The following BIN1 variants were observed in gnomAD, a reference collection of about 807,000 sequenced individuals.
BIN1 encodes the protein bridging integrator 1, also known as myc box-dependent-interacting protein 1.
In BIN1, 53 loss-of-function variants were observed where a neutral mutation model predicts 82.0. The ratio of observed to expected loss-of-function variants is 0.65; its 90% CI spans 0.52 to 0.81. The LOEUF (loss-of-function observed/expected upper bound fraction) is 0.81, where lower values mean the gene tolerates loss of function less well. Among genes scored for constraint, BIN1 ranks in the 40% least tolerant of loss-of-function variants. The probability of loss-of-function intolerance (pLI) is 0.00; values close to 1 mark genes in which losing one functional copy is unlikely to be tolerated. For synonymous variants in BIN1, 302 were observed against 328.0 expected (o/e 0.92, Z 0.86); for missense variants, 642 against 784.4 (o/e 0.82, Z 2.17).
At chr2:127,106,639 G>T (rs1248446143) in intron 1 of BIN1, among the ~76,000 whole-genome samples, 1 of 152,212 alleles carries the variant, frequency 6.6e-6, no homozygotes, top group Non-Finnish European at 1.5e-5. Context: ...TCCTGCCCCG[G>T]CCGGGTGTGG....
At chr2:127,072,679 C>G (rs909410858) in intron 2 of BIN1, among the ~76,000 whole-genome samples, 41 of 152,024 alleles carry the variant, frequency 2.7e-4, no homozygotes, top group Admixed American at 2.6e-3. Flanking sequence ...GTGTATAACA[C>G]TGGCTAATCA....
intron 11 of BIN1, among the ~76,000 whole-genome samples, chr2:127,058,057 G>A (rs1387497696): frequency 1.3e-5 from 2 of 152,128 alleles, no homozygotes; most frequent in African/African-American, 4.8e-5. Flanking sequence ...CACCTCCCAG[G>A]GCACAGGGCT....
intron 13 of BIN1, 101 bp downstream of exon 13, chr2:127,053,804 A>G: frequency 1.7e-6 from 2 of 1,173,754 alleles, no homozygotes; most frequent in South Asian, 1.3e-5. Flanking sequence ...AAGGGCAGTG[A>G]CCCAGGCCTA....
intron 2 of BIN1, among the ~76,000 whole-genome samples, chr2:127,072,724 G>A (rs1182208498): frequency 3.3e-5 from 5 of 152,088 alleles, no homozygotes; most frequent in Non-Finnish European, 5.9e-5. Context: ...AAGGCCCACC[G>A]ATGTGAGACT....
At chr2:127,105,448 C>G (rs1680928181) in intron 1 of BIN1, among the ~76,000 whole-genome samples, 1 of 150,806 alleles carries the variant, frequency 6.6e-6, no homozygotes, top group African/African-American at 2.4e-5. Context: ...CCCCAGCCAG[C>G]TATTCCTGGG....
At position 127,106,949 on chromosome 2, in the gene BIN1, C is replaced by A; in HGVS notation, c.-6G>T. On this transcript the variant is annotated 5_prime_UTR_variant, in exon 1 of 19. Transcript: ENST00000316724. The stretch of plus-strand genomic sequence containing the variant: ...TTACTGCCCATCTCTGCCATCGCGG[C>A]GCAGGCCTCGCCCGGTGGCAGGGGC... 1 of 1,609,728 alleles carries A rather than the reference C, an allele frequency of 6.2e-7. No individual in the cohort carries two copies. The highest frequency in any genetic ancestry group is 8.5e-7 in the Non-Finnish European group (1 of 1,178,738).
intron 1 of BIN1, among the ~76,000 whole-genome samples, chr2:127,077,997 G>C (rs1157041711): frequency 6.6e-6 from 1 of 152,238 alleles, no homozygotes; most frequent in African/African-American, 2.4e-5. Context: ...CATCTGCTGA[G>C]GCCAGTAGGT....
intron 1 of BIN1, among the ~76,000 whole-genome samples, chr2:127,084,598 T>C (rs1458802038): frequency 6.6e-6 from 1 of 152,192 alleles, no homozygotes; most frequent in East Asian, 1.9e-4. Flanking sequence ...CGTTCCCTCA[T>C]GCTCAGAGCC....
Position 127,059,342 on chromosome 2 carries a change from G to C in BIN1, c.858-187C>G, listed in dbSNP as rs1385741969. ...GGGGGAGCCAAGGGACCTGGGCTTG[G>C]GGGGCTGGAAGTGGGAAGCCTGCCT... On this transcript the variant is annotated intron_variant, in intron 10 of 18. Transcript: ENST00000316724. The surrounding 1 kb of genome is among the most constrained non-coding windows in gnomAD (Gnocchi z 6.7). Among the ~76,000 whole-genome samples the C allele has an allele frequency of 6.6e-6, 1 of 151,834 alleles. No individual in the cohort carries two copies. The highest frequency in any genetic ancestry group is 2.4e-5 in the African/African-American group (1 of 41,308).
At chr2:127,063,532 G>A in intron 9 of BIN1, 39 bp downstream of exon 9, 1 of 1,597,784 alleles carries the variant, frequency 6.3e-7, no homozygotes, top group Admixed American at 1.7e-5. Context: ...CCTCGGCCAG[G>A]GTGGGGTGTG....
intron 2 of BIN1, among the ~76,000 whole-genome samples, chr2:127,074,315 C>T (rs1195555169): frequency 1.3e-5 from 2 of 152,286 alleles, no homozygotes; most frequent in Non-Finnish European, 2.9e-5. Context: ...CAATCAAATC[C>T]AGAACTGGCT....
rs200384643 is a variant in BIN1, at chr2:127,050,915, G to A, written c.1462-3C>T. Reference sequence around the variant, plus strand: ...ACCACGACAGCAGGAAGAGAGCTCTGGTGGCAGAGGTACGGGTCAGCTGAG... The same window carrying A: ...ACCACGACAGCAGGAAGAGAGCTCTAGTGGCAGAGGTACGGGTCAGCTGAG... On this transcript the variant is annotated splice_polypyrimidine_tract_variant and splice_region_variant and intron_variant, in intron 16 of 18. Transcript: ENST00000316724. The A allele has an allele frequency of 7.8e-5, 126 of 1,613,594 alleles. 2 individuals carry two copies. In the Middle Eastern group the frequency reaches 8.2e-4, roughly 11 times the overall value.
chr2:127,052,842 C>T (rs1336346706), intron 14 of BIN1: 1 of 248,642 alleles, frequency 4.0e-6, no homozygotes, highest in Admixed American at 5.0e-5. Flanking sequence ...TGGGCAAGTA[C>T]TGAGCCTTCC....
intron 1 of BIN1, among the ~76,000 whole-genome samples, chr2:127,077,316 CCACACACACA>C (rs10573582): frequency 0.18 from 27,394 of 150,346 alleles, 2,608 homozygotes; most frequent in South Asian, 0.25. Flanking sequence ...TCTGCACAGC[CCACACACACA>C]CACACACACA....
intron 2 of BIN1, among the ~76,000 whole-genome samples, chr2:127,073,170 A>G (rs577724978): frequency 6.6e-6 from 1 of 152,342 alleles, no homozygotes; most frequent in Admixed American, 6.5e-5. Flanking sequence ...CGGCCAGAGC[A>G]CTGCCTCCCT....
At chr2:127,071,990 G>A (rs540499050) in intron 2 of BIN1, among the ~76,000 whole-genome samples, 40 of 152,118 alleles carry the variant, frequency 2.6e-4, no homozygotes, top group Non-Finnish European at 5.7e-4. Flanking sequence ...GCTGACCTTC[G>A]TAGTAGAAGG....
chr2:127,062,819 A>G (rs1262737516), intron 9 of BIN1, among the ~76,000 whole-genome samples: 1 of 152,200 alleles, frequency 6.6e-6, no homozygotes, highest in Non-Finnish European at 1.5e-5. Context: ...GTTGTCTCCA[A>G]TCTTCGAAGG....
rs1251681134 is a variant in BIN1, at chr2:127,053,968, G to A, written c.1176C>T (p.Asp392=). The A allele has an allele frequency of 1.3e-6, 2 of 1,551,578 alleles. No homozygotes were observed. Among genetic ancestry groups the A allele is most frequent in the Non-Finnish European group, 1.7e-6 (2 of 1,147,018 alleles). Residue 392 remains aspartate, a synonymous_variant, in exon 13 of 19, where the codon GAC becomes GAT. Coordinates refer to ENST00000316724, the MANE Select transcript of BIN1 (RefSeq NM_139343.3). ...CGGGCGGGAGGGGGTCAAAGTCCAG[G>A]TCCAGCAGACTGGCCTGCTCCGAGA... ...GPFSEQASLL[D]LDFDPLPPVT... is the part of the protein sequence containing the mutation.
At chr2:127,069,481 G>A (rs995616234) in intron 5 of BIN1, among the ~76,000 whole-genome samples, 3 of 152,144 alleles carry the variant, frequency 2.0e-5, no homozygotes, top group Non-Finnish European at 4.4e-5. Flanking sequence ...GGGACCACTC[G>A]CCTCGGTGGA....
Sources: gnomAD v4.1 joint callset for allele counts (sites outside exome capture counted in the v4.1 genomes callset) on GRCh38, gnomAD v4.1.1 for gene constraint, Gnocchi (gnomAD v3.1) non-coding constraint, MANE v1.5 for transcripts, NCBI Gene and HGNC (gene_info 2026-07-23, HGNC 2026-07-21) for gene names.